The following THSD4 variants were observed in gnomAD, a reference collection of about 807,000 sequenced individuals.
THSD4 encodes the protein thrombospondin type-1 domain-containing protein 4.
A neutral mutation model predicts 119.0 loss-of-function variants in THSD4; 69 were observed. The observed-to-expected ratio is 0.58, with a 90% confidence interval of 0.48 to 0.71. The LOEUF (loss-of-function observed/expected upper bound fraction) is 0.71, where lower values mean the gene tolerates loss of function less well. THSD4 is among the 30% of genes least tolerant of loss of function. The pLI is 0.00. For missense variants in THSD4, 1,393 were observed against 1,391.1 expected (o/e 1.00, Z -0.02); for synonymous variants, 524 against 540.4 (o/e 0.97, Z 0.42).
At chr15:71,277,516 T>C in intron 6 of THSD4, among the ~76,000 whole-genome samples, 1 of 152,196 alleles carries the variant, frequency 6.6e-6, no homozygotes, top group Non-Finnish European at 1.5e-5. Flanking sequence ...TAGACATAAT[T>C]ATCACACCTC....
chr15:71,583,403 AT>A (rs1216690789), intron 7 of THSD4, among the ~76,000 whole-genome samples: 1 of 148,566 alleles, frequency 6.7e-6, no homozygotes, highest in Non-Finnish European at 1.5e-5. Context: ...GTTTTATTTC[AT>A]TTATTTCTGC....
chr15:71,145,206 G>C (rs2040645338), intron 2 of THSD4, among the ~76,000 whole-genome samples: 1 of 152,108 alleles, frequency 6.6e-6, no homozygotes, highest in Non-Finnish European at 1.5e-5. Context: ...TTGTATGGTT[G>C]ACGTATTTTA....
chr15:71,403,269 G>A (rs1053481454), intron 6 of THSD4, among the ~76,000 whole-genome samples: 2 of 152,082 alleles, frequency 1.3e-5, no homozygotes, highest in African/African-American at 4.8e-5. Flanking sequence ...GGTAAATTGC[G>A]TGAGAATTGC....
chr15:71,112,131 G>A (rs1335627644), upstream of THSD4: 9 of 1,613,522 alleles, frequency 5.6e-6, no homozygotes. Flanking sequence ...ATTCCTCAGA[G>A]ATTTGGGAGC....
chr15:71,380,057 G>T (rs1376555185), intron 6 of THSD4, among the ~76,000 whole-genome samples: 1 of 152,134 alleles, frequency 6.6e-6, no homozygotes, highest in Admixed American at 6.5e-5. Context: ...ACTGAAGGTT[G>T]TCTGCTGTGA....
chr15:71,482,689 G>A (rs549518338), intron 7 of THSD4, among the ~76,000 whole-genome samples: 130 of 151,236 alleles, frequency 8.6e-4, no homozygotes, highest in African/African-American at 2.9e-3. Flanking sequence ...AAGTTCAAGC[G>A]ATTCTCTTGC....
intron 4 of THSD4, among the ~76,000 whole-genome samples, chr15:71,225,587 G>C (rs1418459676): frequency 1.7e-5 from 2 of 116,716 alleles, no homozygotes; most frequent in African/African-American, 6.8e-5. Context: ...TCGCTCTGTT[G>C]CCCAGGCGGG....
intron 7 of THSD4, among the ~76,000 whole-genome samples, chr15:71,491,868 C>CA (rs1283638328): frequency 6.7e-6 from 1 of 149,196 alleles, no homozygotes; most frequent in Non-Finnish European, 1.5e-5. Context: ...GGCCCCGTCT[C>CA]AAAAAAGAAA....
intron 8 of THSD4, among the ~76,000 whole-genome samples, chr15:71,723,696 A>G (rs1396651711): frequency 1.3e-5 from 2 of 152,182 alleles, no homozygotes; most frequent in African/African-American, 4.8e-5. Context: ...AGTTTCTTGC[A>G]TCCCTTAGAG....
chr15:71,497,316 C>T (rs906501296), intron 7 of THSD4, among the ~76,000 whole-genome samples: 3 of 152,074 alleles, frequency 2.0e-5, no homozygotes, highest in Non-Finnish European at 2.9e-5. Context: ...AGTTCGAGAC[C>T]AGCCTGGCCA....
At chr15:71,343,426 T>C (rs112448561) in intron 6 of THSD4, among the ~76,000 whole-genome samples, 1,538 of 152,318 alleles carry the variant, frequency 0.01, 12 homozygotes, top group Middle Eastern at 0.017. Context: ...AAAAATTATT[T>C]TCTAACCATC....
chr15:71,118,606 T>C (rs2040383045), intron 1 of THSD4, among the ~76,000 whole-genome samples: 1 of 152,194 alleles, frequency 6.6e-6, no homozygotes, highest in South Asian at 2.1e-4. Flanking sequence ...ACTATTTGCC[T>C]GGGTTTGACC....
At chr15:71,175,079 C>T in intron 3 of THSD4, among the ~76,000 whole-genome samples, 2 of 113,572 alleles carry the variant, frequency 1.8e-5, no homozygotes, top group Non-Finnish European at 3.8e-5. Flanking sequence ...ACGCAGAGCG[C>T]CTCTCCTCCT....
At chr15:71,116,086 G>A (rs2040359342) in intron 1 of THSD4, among the ~76,000 whole-genome samples, 1 of 152,180 alleles carries the variant, frequency 6.6e-6, no homozygotes, top group South Asian at 2.1e-4. Context: ...TGCACACCCA[G>A]CCCGTGCGCC....
chr15:71,199,705 T>TGTGGTATGTGTGTGTGGTGCATGTGTG (rs1567154802), intron 3 of THSD4, among the ~76,000 whole-genome samples: 5 of 13,318 alleles, frequency 3.8e-4, no homozygotes, highest in Non-Finnish European at 4.2e-4. Context: ...GTGTGGTGTC[T>TGTGGTATGTGTGTGTGGTGCATGTGTG]GGGTGTGTGG....
chr15:71,621,901 T>C (rs1005619658), intron 7 of THSD4, among the ~76,000 whole-genome samples: 1 of 152,234 alleles, frequency 6.6e-6, no homozygotes, highest in African/African-American at 2.4e-5. Flanking sequence ...TTAGTTACTT[T>C]TGGGTAACTT....
At chr15:71,715,726 C>G (rs540886004) in intron 8 of THSD4, among the ~76,000 whole-genome samples, 1 of 151,232 alleles carries the variant, frequency 6.6e-6, no homozygotes, top group Non-Finnish European at 1.5e-5. Context: ...CCGACGTCAT[C>G]GCAATTTAGT....
intron 7 of THSD4, among the ~76,000 whole-genome samples, chr15:71,517,667 T>C (rs183713039): frequency 7.2e-5 from 11 of 152,214 alleles, no homozygotes; most frequent in African/African-American, 1.2e-4. Flanking sequence ...TGTTTCCTGC[T>C]CAAACCTCTG....
Position 71,552,349 on chromosome 15 carries a change from C to T in THSD4, c.1153-108181C>T, listed in dbSNP as rs1274641553. On this transcript the variant is annotated intron_variant, in intron 7 of 17. Transcript: ENST00000261862. ...ATAAATTATTTCCTAAGGAGTAAAT[C>T]AAATTAAATAATGAATGTAGGACTG... is the stretch of plus-strand genomic sequence containing the variant. Among the ~76,000 whole-genome samples, 7 of 152,166 alleles carry T rather than the reference C, an allele frequency of 4.6e-5. No individual in the cohort carries two copies. In the South Asian group the frequency reaches 1.2e-3, roughly 27 times the overall value.
Sources: allele counts gnomAD v4.1 joint callset (sites outside exome capture counted in the v4.1 genomes callset), GRCh38; gene constraint gnomAD v4.1.1; transcripts MANE v1.5; gene names NCBI Gene and HGNC (gene_info 2026-07-23, HGNC 2026-07-21).